The following WDR49 variants were observed in gnomAD, a reference collection of about 807,000 sequenced individuals.
The protein encoded by WDR49 is WD repeat domain 49.
A neutral mutation model predicts 119.5 loss-of-function variants in WDR49; 107 were observed. The observed-to-expected ratio is 0.90, with a 90% confidence interval of 0.77 to 1.05. The LOEUF (loss-of-function observed/expected upper bound fraction) is 1.05, where lower values mean the gene tolerates loss of function less well. Among genes scored for constraint, WDR49 ranks in the 50% least tolerant of loss-of-function variants. WDR49 has a pLI of 0.00. For synonymous variants in WDR49, 425 were observed against 418.8 expected, an observed-to-expected ratio of 1.01 and a Z score of -0.18; for missense variants, 1,240 against 1,220.5, an observed-to-expected ratio of 1.02 and a Z score of -0.24.
chr3:167,650,844 C>T (rs892019316), intron 2 of WDR49, among the ~76,000 whole-genome samples: 1 of 152,134 alleles, frequency 6.6e-6, no homozygotes, highest in Non-Finnish European at 1.5e-5. Context: ...AGTACCTCCT[C>T]TAATCTTCAT....
intron 18 of WDR49, among the ~76,000 whole-genome samples, chr3:167,481,733 A>C (rs1316994944): frequency 1.3e-5 from 2 of 152,118 alleles, no homozygotes; most frequent in Non-Finnish European, 2.9e-5. Context: ...AGCAAGAGAG[A>C]AATGAGGAAG....
chr3:167,563,997 C>T (rs571686300), intron 8 of WDR49, among the ~76,000 whole-genome samples: 1 of 152,342 alleles, frequency 6.6e-6, no homozygotes, highest in African/African-American at 2.4e-5. Context: ...TCAGGGTGGG[C>T]ATCACCCACA....
At chr3:167,651,514 A>C (rs1204208025) in intron 2 of WDR49, among the ~76,000 whole-genome samples, 1 of 152,132 alleles carries the variant, frequency 6.6e-6, no homozygotes, top group Non-Finnish European at 1.5e-5. Context: ...TCAAAGGTCT[A>C]ACTTTTAGTA....
intron 18 of WDR49, among the ~76,000 whole-genome samples, chr3:167,499,352 A>G (rs1208627272): frequency 6.6e-6 from 1 of 152,194 alleles, no homozygotes; most frequent in Non-Finnish European, 1.5e-5. Flanking sequence ...GGATTTTAGA[A>G]GTTTTGAAAC....
At chr3:167,495,183 G>A (rs1435632569) in intron 18 of WDR49, among the ~76,000 whole-genome samples, 1 of 151,912 alleles carries the variant, frequency 6.6e-6, no homozygotes, top group African/African-American at 2.4e-5. Context: ...AGCAGACCCA[G>A]GGATTATCCA....
At chr3:167,561,199 C>T (rs1449567012) in intron 8 of WDR49, among the ~76,000 whole-genome samples, 2 of 152,090 alleles carry the variant, frequency 1.3e-5, no homozygotes, top group African/African-American at 4.8e-5. Flanking sequence ...AATGTATATT[C>T]AATACTGGCC....
At chr3:167,642,481 G>A (rs959754646) in intron 2 of WDR49, among the ~76,000 whole-genome samples, 47 of 152,056 alleles carry the variant, frequency 3.1e-4, no homozygotes, top group Admixed American at 5.9e-4. Context: ...ATGGAGTGAC[G>A]GAGGGGAAGA....
rs775494614 is a variant in WDR49, at chr3:167,560,173, T to C, written c.1565A>G (p.Gln522Arg). ...GCAACCAGTAAACTGTTTGATTTTC[T>C]GCCCAGTGTCTATCATCCAGAAGGA... is the stretch of plus-strand genomic sequence containing the variant. ...TVSFWMIDTG[Q>R]KIKQFTGCHG... is the part of the protein sequence containing the mutation. The change falls in exon 9 of 19, where the codon CAG becomes CGG. Residue 522 changes from glutamine (Q) to arginine (R), a missense_variant. Gln to Arg is a conservative substitution (Grantham distance 43). Coordinates refer to ENST00000682715, the MANE Select transcript of WDR49 (RefSeq NM_001366157.1). 25 of 1,614,124 alleles carry C rather than the reference T, an allele frequency of 1.5e-5. No homozygotes were observed. In the African/African-American group the frequency reaches 2.9e-4, roughly 19 times the overall value.
chr3:167,564,614 C>T (rs1272409756), intron 8 of WDR49, among the ~76,000 whole-genome samples: 1 of 152,092 alleles, frequency 6.6e-6, no homozygotes, highest in Non-Finnish European at 1.5e-5. Context: ...AGGACGGGGC[C>T]CTGACAGTCT....
intron 5 of WDR49, among the ~76,000 whole-genome samples, chr3:167,606,601 G>A (rs1716077203): frequency 6.6e-6 from 1 of 152,186 alleles, no homozygotes; most frequent in African/African-American, 2.4e-5. Flanking sequence ...AAAATAAGGA[G>A]AGAACAGGAT....
Position 167,621,603 on chromosome 3 carries a change from T to C in WDR49, c.647A>G (p.Asp216Gly). Residue 216 changes from aspartate to glycine, a missense_variant, in exon 4 of 19, where the codon GAT becomes GGT. Coordinates refer to ENST00000682715, the MANE Select transcript of WDR49 (RefSeq NM_001366157.1). ...AFTSKEVCFY[D>G]LLSKEEFACQ... Reference sequence around the variant, plus strand: ...AGCAAATTCTTCTTTGGACAGCAGATCATAGAAACAAACCTCTTTACTTGT... The same window carrying C: ...AGCAAATTCTTCTTTGGACAGCAGACCATAGAAACAAACCTCTTTACTTGT... 2 of 1,534,742 alleles carry C rather than the reference T, an allele frequency of 1.3e-6. No individual in the cohort carries two copies. The highest frequency in any genetic ancestry group is 2.7e-5 in the African/African-American group (2 of 73,080).
intron 10 of WDR49, among the ~76,000 whole-genome samples, chr3:167,544,616 T>C (rs1164298877): frequency 6.6e-6 from 1 of 152,082 alleles, no homozygotes; most frequent in Non-Finnish European, 1.5e-5. Flanking sequence ...ATTCAACAAA[T>C]GGTGCTAGGA....
chr3:167,553,292 A>C (rs1278536683), intron 10 of WDR49, among the ~76,000 whole-genome samples: 1 of 152,068 alleles, frequency 6.6e-6, no homozygotes, highest in African/African-American at 2.4e-5. Context: ...AAAAAGTGAT[A>C]ATTTTTCCTA....
intron 17 of WDR49, among the ~76,000 whole-genome samples, chr3:167,501,815 G>C (rs1751581848): frequency 6.6e-6 from 1 of 152,068 alleles, no homozygotes; most frequent in South Asian, 2.1e-4. Flanking sequence ...TGTGGCTTCA[G>C]GATTTCTGAC....
chr3:167,604,315 C>A lies in WDR49; in HGVS notation c.1112G>T (p.Arg371Leu). The change falls in exon 6 of 19, where the codon CGG becomes CTG. Residue 371 changes from arginine (R) to leucine (L), a missense_variant. Coordinates refer to ENST00000682715, the MANE Select transcript of WDR49 (RefSeq NM_001366157.1). ...QGIHAFDYHSRLNLIATAGIN... is the reference protein window; with the variant it reads ...QGIHAFDYHSLLNLIATAGIN... ...ATTTTACCTACCAATTAAATTGAGC[C>A]GAGAGTGATAATCAAAAGCATGAAT... The A allele has an allele frequency of 1.2e-6, 2 of 1,613,328 alleles. No individual in the cohort carries two copies. Among genetic ancestry groups the A allele is most frequent in the Non-Finnish European group, 1.7e-6 (2 of 1,179,708 alleles).
chr3:167,479,000 C>A lies in WDR49; in HGVS notation c.3032-4G>T. 1 of 1,567,284 alleles carries A rather than the reference C, an allele frequency of 6.4e-7. No homozygotes were observed. Among genetic ancestry groups the A allele is most frequent in the Non-Finnish European group, 8.7e-7 (1 of 1,150,098 alleles). On this transcript the variant is annotated splice_polypyrimidine_tract_variant and splice_region_variant and intron_variant, in intron 18 of 18. Coordinates refer to ENST00000682715, the MANE Select transcript of WDR49 (RefSeq NM_001366157.1). ...TCATCAAATACAGCTTTCAAAGCTA[C>A]AAAATGATGAGGAAAATCACAAGTG...
At chr3:167,575,820 T>C (rs1046042328) in intron 8 of WDR49, 98 bp downstream of exon 8, 6 of 1,238,230 alleles carry the variant, frequency 4.8e-6, no homozygotes, top group Non-Finnish European at 6.8e-6. Context: ...TTGCCTTTAC[T>C]ATATTTGTCT....
At chr3:167,490,138 A>G (rs2108197824) in intron 18 of WDR49, among the ~76,000 whole-genome samples, 1 of 152,290 alleles carries the variant, frequency 6.6e-6, no homozygotes, top group South Asian at 2.1e-4. Flanking sequence ...CAAACAGGCA[A>G]CAAAGCAACG....
At chr3:167,654,226 C>T (rs1227248564), upstream of WDR49, among the ~76,000 whole-genome samples, 1 of 151,940 alleles carries the variant, frequency 6.6e-6, no homozygotes, top group Non-Finnish European at 1.5e-5. Context: ...AAGAGAAAAG[C>T]ATGAAATTCT....
Sources: allele counts gnomAD v4.1 joint callset (sites outside exome capture counted in the v4.1 genomes callset), GRCh38; gene constraint gnomAD v4.1.1; transcripts MANE v1.5; gene names NCBI Gene and HGNC (gene_info 2026-07-23, HGNC 2026-07-21).